The following GRIK3 variants were observed in gnomAD, a reference collection of about 807,000 sequenced individuals.
GRIK3 encodes glutamate receptor ionotropic, kainate 3.
GRIK3 carries 29 observed loss-of-function variants against 102.5 expected under a neutral mutation model. The ratio of observed to expected loss-of-function variants is 0.28; its 90% CI spans 0.21 to 0.39. The LOEUF is 0.39. Among genes scored for constraint, GRIK3 ranks in the 10% least tolerant of loss-of-function variants. The pLI is 1.00. For missense variants in GRIK3, 908 were observed against 1,252.4 expected, an observed-to-expected ratio of 0.73 and a Z score of 4.15; for synonymous variants, 511 against 504.9, an observed-to-expected ratio of 1.01 and a Z score of -0.16.
At chr1:37,005,772 T>TAGAACTAGAATTTATTCCAA (rs1254640705) in intron 1 of GRIK3, among the ~76,000 whole-genome samples, 1 of 152,216 alleles carries the variant, frequency 6.6e-6, no homozygotes, top group Non-Finnish European at 1.5e-5. Flanking sequence ...TTCAAGGCAC[T>TAGAACTAGAATTTATTCCAA]GGGCAACCTG....
intron 1 of GRIK3, among the ~76,000 whole-genome samples, chr1:36,919,441 T>C (rs962466341): frequency 1.3e-5 from 2 of 151,996 alleles, no homozygotes; most frequent in African/African-American, 4.8e-5. Flanking sequence ...TACATATGTA[T>C]ACATGTGCCA....
chr1:37,004,731 T>G (rs2124040950), intron 1 of GRIK3, among the ~76,000 whole-genome samples: 1 of 152,344 alleles, frequency 6.6e-6, no homozygotes, highest in Admixed American at 6.5e-5. Flanking sequence ...CATGTGTGAC[T>G]TAGGCAGGGT....
At chr1:36,836,311 G>T (rs1467762370) in intron 10 of GRIK3, among the ~76,000 whole-genome samples, 3 of 152,250 alleles carry the variant, frequency 2.0e-5, no homozygotes, top group Non-Finnish European at 2.9e-5. Flanking sequence ...TGGCTGGGAA[G>T]CCAGCTAGTC....
In GRIK3 at chr1:36,851,906, A is replaced by G. The variant is rs570534801; in HGVS notation, c.1213-1482T>C. ...ATGGCACAGGGTGGGAAGTAGTGGC[A>G]TATGTGCCACCTAATTGCCCTCCCT... On this transcript the variant is annotated intron_variant, in intron 8 of 15. Coordinates refer to ENST00000373091, the MANE Select transcript of GRIK3 (RefSeq NM_000831.4). Among the ~76,000 whole-genome samples, 165 of 152,224 alleles carry G rather than the reference A, an allele frequency of 1.1e-3. 3 individuals are homozygous for G. Among genetic ancestry groups the G allele is most frequent in the Non-Finnish European group, 5.7e-4 (39 of 68,040 alleles).
chr1:37,029,044 C>T (rs1188432085), intron 1 of GRIK3, among the ~76,000 whole-genome samples: 2 of 151,886 alleles, frequency 1.3e-5, no homozygotes, highest in Non-Finnish European at 2.9e-5. Context: ...GCTCCAGACC[C>T]AGGTGGGGCC....
At chr1:36,994,392 A>G (rs1341380868) in intron 1 of GRIK3, among the ~76,000 whole-genome samples, 2 of 152,252 alleles carry the variant, frequency 1.3e-5, no homozygotes, top group Non-Finnish European at 2.9e-5. Flanking sequence ...CAAACAATTT[A>G]CAAATGTCCA....
At chr1:36,854,882 A>G (rs1386852883) in intron 7 of GRIK3, among the ~76,000 whole-genome samples, 1 of 152,202 alleles carries the variant, frequency 6.6e-6, no homozygotes. Flanking sequence ...AGCAGACCTC[A>G]AGGGGGCCAT....
At chr1:37,013,054 C>T (rs959968617) in intron 1 of GRIK3, among the ~76,000 whole-genome samples, 1 of 152,190 alleles carries the variant, frequency 6.6e-6, no homozygotes, top group Admixed American at 6.5e-5. Context: ...ACACACAGTT[C>T]CACATGGCTG....
chr1:36,942,931 A>G (rs558035770), intron 1 of GRIK3, among the ~76,000 whole-genome samples: 40 of 151,648 alleles, frequency 2.6e-4, no homozygotes, highest in African/African-American at 9.5e-4. Context: ...CTCATTGCAG[A>G]CTCCCCCCAC....
intron 1 of GRIK3, among the ~76,000 whole-genome samples, chr1:36,948,291 G>T (rs1641806452): frequency 6.6e-6 from 1 of 152,224 alleles, no homozygotes; most frequent in African/African-American, 2.4e-5. Flanking sequence ...CAATGCTGGA[G>T]GAATTTCTAC....
At position 36,880,796 on chromosome 1, in the gene GRIK3, C is replaced by A; in HGVS notation, c.388G>T (p.Val130Leu). The stretch of plus-strand genomic sequence containing the variant: ...TTCCAACGCAGCTGGATGTGGGGCA[C>A]CTCCAGGGCATTGCAGATGGACTGG... Reference protein sequence around the residue: ...AVQSICNALEVPHIQLRWKHH... With the variant: ...AVQSICNALELPHIQLRWKHH... The change falls in exon 3 of 16, where the codon GTG (valine) becomes TTG (leucine). Residue 130 changes from valine to leucine, a missense_variant. Transcript: ENST00000373091. The surrounding 1 kb of genome is among the most constrained non-coding windows in gnomAD (Gnocchi z 5.4). 6.2e-7 allele frequency: 1 copy of A among 1,614,168 alleles called. No homozygotes were observed. Among genetic ancestry groups the A allele is most frequent in the Non-Finnish European group, 8.5e-7 (1 of 1,180,008 alleles).
intron 10 of GRIK3, among the ~76,000 whole-genome samples, chr1:36,831,760 C>T (rs1268345184): frequency 2.0e-5 from 3 of 152,232 alleles, no homozygotes; most frequent in African/African-American, 7.2e-5. Context: ...TGAATTTATA[C>T]TTTAATTGAA....
At chr1:36,962,560 T>A (rs1642023561) in intron 1 of GRIK3, among the ~76,000 whole-genome samples, 1 of 151,470 alleles carries the variant, frequency 6.6e-6, no homozygotes, top group Admixed American at 6.6e-5. Flanking sequence ...CCTGGGTTTG[T>A]GTGCAGTGGG....
chr1:36,860,082 C>G lies in GRIK3; in HGVS notation c.787-65G>C, dbSNP rs1640704586. The G allele has an allele frequency of 3.1e-6, 4 of 1,308,128 alleles. No individual in the cohort carries two copies. The South Asian group carries it at 4.2e-5, about 14-fold the overall frequency. 81.0% of individuals were successfully genotyped at this position (1,308,128 alleles called of 1,614,324 possible). A position where few individuals can be genotyped will look rare whatever the true frequency, so the allele number is the denominator to read the frequency against. On this transcript the variant is annotated intron_variant, in intron 5 of 15. Coordinates refer to ENST00000373091, the MANE Select transcript of GRIK3 (RefSeq NM_000831.4). Reference sequence around the variant, plus strand: ...CTGCTGAGAACTCCAGCCCCGCCTCCTACCCACTCCCTAATCAGGGCCGCC... The same window carrying G: ...CTGCTGAGAACTCCAGCCCCGCCTCGTACCCACTCCCTAATCAGGGCCGCC...
chr1:36,969,186 C>T (rs1020085792), intron 1 of GRIK3, among the ~76,000 whole-genome samples: 1 of 152,302 alleles, frequency 6.6e-6, no homozygotes, highest in Non-Finnish European at 1.5e-5. Flanking sequence ...CTGAGCAGGG[C>T]CCCACCAATG....
intron 13 of GRIK3, among the ~76,000 whole-genome samples, chr1:36,812,097 A>G (rs1642569004): frequency 6.6e-6 from 1 of 152,040 alleles, no homozygotes; most frequent in African/African-American, 2.4e-5. Flanking sequence ...AGGCCAGCAG[A>G]TGGGTCAGGA....
intron 2 of GRIK3, among the ~76,000 whole-genome samples, chr1:36,883,217 A>G (rs1641002781): frequency 6.6e-6 from 1 of 152,216 alleles, no homozygotes; most frequent in African/African-American, 2.4e-5. Flanking sequence ...AAGCTAAAAA[A>G]CTGTTAAACG....
intron 13 of GRIK3, among the ~76,000 whole-genome samples, chr1:36,809,282 C>T (rs1432075464): frequency 6.6e-6 from 1 of 152,108 alleles, no homozygotes; most frequent in Non-Finnish European, 1.5e-5. Flanking sequence ...ACACCATGTA[C>T]ATACTAGTTA....
intron 1 of GRIK3, among the ~76,000 whole-genome samples, chr1:37,008,701 T>A (rs1642557422): frequency 6.6e-6 from 1 of 152,078 alleles, no homozygotes; most frequent in East Asian, 1.9e-4. Context: ...CCACCCCTGC[T>A]CCCAGACAGG....
Sources: allele counts gnomAD v4.1 joint callset (sites outside exome capture counted in the v4.1 genomes callset), GRCh38; gene constraint gnomAD v4.1.1; non-coding constraint Gnocchi (gnomAD v3.1); transcripts MANE v1.5; gene names NCBI Gene and HGNC (gene_info 2026-07-23, HGNC 2026-07-21).